The following CTIF variants were observed in gnomAD, a reference collection of about 807,000 sequenced individuals.
CTIF encodes cap binding complex dependent translation initiation factor.
CTIF carries 21 observed loss-of-function variants against 66.0 expected under a neutral mutation model. That is an observed-to-expected ratio of 0.32 (90% CI 0.23 to 0.46). The LOEUF (loss-of-function observed/expected upper bound fraction) is 0.46, where lower values mean the gene tolerates loss of function less well. Among genes scored for constraint, CTIF ranks in the 20% least tolerant of loss-of-function variants. The probability of loss-of-function intolerance (pLI) is 1.00; values close to 1 mark genes in which losing one functional copy is unlikely to be tolerated. For missense variants in CTIF, 739 were observed against 812.7 expected (o/e 0.91, Z 1.10); for synonymous variants, 345 against 326.4 (o/e 1.06, Z -0.62).
At position 48,664,462 on chromosome 18, in the gene CTIF, C is replaced by T. The variant is rs1293198655; in HGVS notation, c.342C>T (p.Asp114=). 2.5e-6 allele frequency: 4 copies of T among 1,613,722 alleles called. No homozygotes were observed. The highest frequency in any genetic ancestry group is 3.4e-6 in the Non-Finnish European group (4 of 1,179,954). ...TFDSFSGATW[D]LQPEKLDFTQ... ...CGCCCTCTAGTGGTGCCACCTGGGA[C>T]CTGCAGCCGGAAAAGCTGGACTTCA... The change falls in exon 5 of 12, where the codon GAC becomes GAT. Residue 114 remains aspartate, a synonymous_variant. Transcript: ENST00000256413.
chr18:48,649,164 G>A (rs1320588099), intron 3 of CTIF, among the ~76,000 whole-genome samples: 5 of 152,168 alleles, frequency 3.3e-5, no homozygotes, highest in Non-Finnish European at 5.9e-5. Flanking sequence ...TGCGTCACCC[G>A]AGAAGCACAA....
At chr18:48,677,433 T>C (rs1598851561) in intron 6 of CTIF, among the ~76,000 whole-genome samples, 1 of 152,222 alleles carries the variant, frequency 6.6e-6, no homozygotes, top group East Asian at 1.9e-4. Flanking sequence ...ATTCTCCTAA[T>C]GTCCCCTTAG....
At chr18:48,682,764 CTCCTGTCACTGG>C (rs1446198323) in intron 6 of CTIF, among the ~76,000 whole-genome samples, 1 of 152,272 alleles carries the variant, frequency 6.6e-6, no homozygotes, top group Non-Finnish European at 1.5e-5. Flanking sequence ...CCAGCAACTG[CTCCTGTCACTGG>C]TCATGCCTCA....
intron 6 of CTIF, among the ~76,000 whole-genome samples, chr18:48,676,019 C>A (rs373074291): frequency 6.6e-5 from 10 of 152,128 alleles, no homozygotes; most frequent in Non-Finnish European, 1.5e-4. Flanking sequence ...GAGACCACCC[C>A]CCGGCACCCC....
chr18:48,731,934 T>C (rs1489000850), intron 7 of CTIF, among the ~76,000 whole-genome samples: 1 of 152,146 alleles, frequency 6.6e-6, no homozygotes, highest in Non-Finnish European at 1.5e-5. Flanking sequence ...GTTATAGAAA[T>C]ATATAAATGA....
intron 3 of CTIF, among the ~76,000 whole-genome samples, chr18:48,637,068 A>G (rs901302077): frequency 1.3e-5 from 2 of 152,180 alleles, no homozygotes; most frequent in Admixed American, 1.3e-4. Context: ...CCCACAAACA[A>G]TGGGACTCGG....
At chr18:48,798,728 G>C (rs1371027624) in intron 9 of CTIF, among the ~76,000 whole-genome samples, 1 of 152,146 alleles carries the variant, frequency 6.6e-6, no homozygotes, top group African/African-American at 2.4e-5. Context: ...TTGTCCCATG[G>C]GTGGGAGCAT....
chr18:48,561,235 CAAA>C (rs36056519), intron 1 of CTIF, among the ~76,000 whole-genome samples: 16 of 92,348 alleles, frequency 1.7e-4, no homozygotes, highest in African/African-American at 4.9e-4. Context: ...GACTCTGTCT[CAAA>C]AAAAAAAAAA....
chr18:48,832,411 A>G lies in CTIF; in HGVS notation c.1527+15035A>G, dbSNP rs565195491. Among the ~76,000 whole-genome samples, 18 of 152,172 alleles carry G rather than the reference A, an allele frequency of 1.2e-4. 1 individual carries two copies. Among genetic ancestry groups the G allele is most frequent in the Middle Eastern group, 3.4e-3 (1 of 294 alleles). ...GGTCTCAAACTCCTGGGCTCAAGCA[A>G]TCCCGCCTCAGCCTCCCAAAGTGCT... On this transcript the variant is annotated intron_variant, in intron 10 of 11. Transcript: ENST00000256413.
rs1168102878 is a variant in CTIF, at chr18:48,846,606, G to A, written c.1528-10982G>A. On this transcript the variant is annotated intron_variant, in intron 10 of 11. Transcript: ENST00000256413. ...GGGTGGGTGGGTGGATGAATGGATG[G>A]ATGGATGGATGAGTAGGTGAGTAGA... Among the ~76,000 whole-genome samples the A allele has an allele frequency of 1.1e-4, 17 of 151,974 alleles. No individual in the cohort carries two copies. In the East Asian group the frequency reaches 2.3e-3, roughly 21 times the overall value.
chr18:48,609,584 A>G (rs563130236), intron 1 of CTIF, among the ~76,000 whole-genome samples: 1 of 152,160 alleles, frequency 6.6e-6, no homozygotes, highest in Non-Finnish European at 1.5e-5. Flanking sequence ...TCCGCCCAAC[A>G]GCACGCAGAG....
chr18:48,594,589 T>G (rs1379595306), intron 1 of CTIF, among the ~76,000 whole-genome samples: 2 of 151,996 alleles, frequency 1.3e-5, no homozygotes, highest in Non-Finnish European at 2.9e-5. Flanking sequence ...CAACCCTCCC[T>G]CCATCCCGGC....
intron 1 of CTIF, among the ~76,000 whole-genome samples, chr18:48,564,134 C>T (rs1814549845): frequency 6.6e-6 from 1 of 152,176 alleles, no homozygotes; most frequent in Admixed American, 6.5e-5. Context: ...TCCTTCCTGG[C>T]AGCTGCATTC....
intron 7 of CTIF, among the ~76,000 whole-genome samples, chr18:48,732,246 C>T (rs531038193): frequency 6.6e-5 from 10 of 152,316 alleles, no homozygotes; most frequent in East Asian, 1.9e-4. Context: ...GAGGCTGCCA[C>T]GGGAGACCTC....
chr18:48,777,398 C>A (rs1156595210), intron 9 of CTIF, among the ~76,000 whole-genome samples: 5 of 152,158 alleles, frequency 3.3e-5, no homozygotes, highest in Non-Finnish European at 7.4e-5. Context: ...ATTTTCAGAC[C>A]CCTTGGGGTC....
At chr18:48,549,057 G>A (rs1437472241) in intron 1 of CTIF, among the ~76,000 whole-genome samples, 1 of 152,148 alleles carries the variant, frequency 6.6e-6, no homozygotes, top group Non-Finnish European at 1.5e-5. Flanking sequence ...GGTAGGTGAG[G>A]GCTTATGGAC....
In CTIF at chr18:48,852,233, T is replaced by TAAA. The variant is rs10591389; in HGVS notation, c.1528-5328_1528-5326dup. Among the ~76,000 whole-genome samples, 127 of 66,564 alleles carry TAAA rather than the reference T, an allele frequency of 1.9e-3. 1 individual carries two copies. Among genetic ancestry groups the TAAA allele is most frequent in the African/African-American group, 5.9e-3 (115 of 19,486 alleles). 43.7% of individuals were successfully genotyped at this position (66,564 alleles called of 152,430 possible). A position where few individuals can be genotyped will look rare whatever the true frequency, so the allele number is the denominator to read the frequency against. Reference sequence around the variant, plus strand: ...TGGGGGACAGAGTGAGACCCTGTCTTAAAAAAAAAAAAAAAAAAAAAAAAA... The same window carrying TAAA: ...TGGGGGACAGAGTGAGACCCTGTCTTAAAAAAAAAAAAAAAAAAAAAAAAAAAA... On this transcript the variant is annotated intron_variant, in intron 10 of 11. Transcript: ENST00000256413.
chr18:48,705,430 C>G (rs901041265), intron 6 of CTIF, among the ~76,000 whole-genome samples: 1 of 152,204 alleles, frequency 6.6e-6, no homozygotes. Context: ...GATTTAGGGC[C>G]CAACTAAATC....
intron 3 of CTIF, among the ~76,000 whole-genome samples, chr18:48,654,453 T>A (rs1408791346): frequency 6.6e-6 from 1 of 152,062 alleles, no homozygotes; most frequent in Non-Finnish European, 1.5e-5. Context: ...AGAATGACAA[T>A]CATTAAAAAG....
Sources: gnomAD v4.1 joint callset for allele counts (sites outside exome capture counted in the v4.1 genomes callset) on GRCh38, gnomAD v4.1.1 for gene constraint, MANE v1.5 for transcripts, NCBI Gene and HGNC (gene_info 2026-07-23, HGNC 2026-07-21) for gene names.